Variants in ANO1 observed in about 807,000 individuals in gnomAD.
The protein encoded by ANO1 is anoctamin-1.
ANO1 carries 59 observed loss-of-function variants against 124.0 expected under a neutral mutation model. That is an observed-to-expected ratio of 0.48 (90% confidence interval 0.39 to 0.59). The LOEUF (loss-of-function observed/expected upper bound fraction) is 0.59, where lower values mean the gene tolerates loss of function less well. ANO1 is among the 20% of genes least tolerant of loss of function. ANO1 has a pLI of 0.00. For synonymous variants in ANO1, 529 were observed against 532.0 expected, an observed-to-expected ratio of 0.99 and a Z score of 0.08; for missense variants, 1,059 against 1,328.0, an observed-to-expected ratio of 0.80 and a Z score of 3.15.
chr11:70,071,431 A>AT (rs1857871335), intron 1 of ANO1, among the ~76,000 whole-genome samples: 1 of 152,106 alleles, frequency 6.6e-6, no homozygotes, highest in South Asian at 2.1e-4. Context: ...ATCCAATATA[A>AT]TTTTCCTTAA....
Position 70,161,375 on chromosome 11 carries a change from G to T in ANO1, c.1780+13G>T. ...CTCACCAAGATCGGTGAGTGCCCAT[G>T]TTCCAGGTACTGTGGCCTGGACTCA... On this transcript the variant is annotated intron_variant, in intron 17 of 25. Transcript: ENST00000355303. 1 of 1,613,242 alleles carries T rather than the reference G, an allele frequency of 6.2e-7. No homozygotes were observed. Among genetic ancestry groups the T allele is most frequent in the Non-Finnish European group, 8.5e-7 (1 of 1,179,304 alleles).
intron 1 of ANO1, among the ~76,000 whole-genome samples, chr11:70,017,778 C>T (rs1308763802): frequency 6.6e-6 from 1 of 152,080 alleles, no homozygotes; most frequent in Non-Finnish European, 1.5e-5. Flanking sequence ...CCTCAGCCAC[C>T]CAAAGCTCTG....
chr11:70,095,305 A>AAGG (rs1232583178), intron 2 of ANO1, among the ~76,000 whole-genome samples: 17 of 97,214 alleles, frequency 1.7e-4, no homozygotes, highest in African/African-American at 2.7e-4. Context: ...GGAAGGAAAG[A>AAGG]AAGAAAGAAA....
intron 20 of ANO1, among the ~76,000 whole-genome samples, chr11:70,167,039 C>T (rs1045906975): frequency 1.5e-4 from 23 of 152,002 alleles, no homozygotes; most frequent in African/African-American, 5.3e-4. Context: ...CCCAGCTACT[C>T]GGGAGGCTGA....
chr11:70,036,598 T>C (rs1021969997), intron 1 of ANO1, among the ~76,000 whole-genome samples: 9 of 150,982 alleles, frequency 6.0e-5, no homozygotes, highest in African/African-American at 2.2e-4. Flanking sequence ...TTTGTTTGTG[T>C]TTTTGTTTTG....
At chr11:70,040,118 C>A (rs1008245280) in intron 1 of ANO1, among the ~76,000 whole-genome samples, 3 of 152,140 alleles carry the variant, frequency 2.0e-5, no homozygotes, top group Non-Finnish European at 2.9e-5. Flanking sequence ...ATCACCCTGC[C>A]AGCCAAGATA....
chr11:69,969,162 C>T, the ANO1 span, among the ~76,000 whole-genome samples: 69 of 152,266 alleles, frequency 4.5e-4, no homozygotes, highest in East Asian at 7.7e-4. Flanking sequence ...TGCAGGGCCA[C>T]GGGAGGGTCC....
At chr11:70,029,652 C>T (rs542934441) in intron 1 of ANO1, among the ~76,000 whole-genome samples, 4 of 152,370 alleles carry the variant, frequency 2.6e-5, no homozygotes, top group East Asian at 1.9e-4. Context: ...CTTCCTGCAA[C>T]GACTGTAACA....
chr11:70,020,151 TG>T, intron 1 of ANO1, among the ~76,000 whole-genome samples: 1 of 152,330 alleles, frequency 6.6e-6, no homozygotes, highest in East Asian at 1.9e-4. Flanking sequence ...AGGGTACTCT[TG>T]TGGATTGTTT....
intron 1 of ANO1, among the ~76,000 whole-genome samples, chr11:69,994,714 A>C (rs576661247): frequency 1.5e-3 from 221 of 152,166 alleles, no homozygotes; most frequent in Non-Finnish European, 2.1e-3. Context: ...ATAGACCCAA[A>C]CTGCTTCCAT....
intron 1 of ANO1, among the ~76,000 whole-genome samples, chr11:70,000,231 T>C (rs1169857671): frequency 6.6e-6 from 1 of 152,146 alleles, no homozygotes; most frequent in Non-Finnish European, 1.5e-5. Context: ...GATGTTTCAT[T>C]TGTGTGTTTG....
At chr11:70,139,464 T>C (rs1480019769) in intron 11 of ANO1, among the ~76,000 whole-genome samples, 1 of 152,114 alleles carries the variant, frequency 6.6e-6, no homozygotes, top group Admixed American at 6.6e-5. Context: ...GCTGGGATTA[T>C]AGCCGCCCGC....
intron 2 of ANO1, among the ~76,000 whole-genome samples, chr11:70,094,186 C>A (rs1004790341): frequency 6.6e-6 from 1 of 152,170 alleles, no homozygotes; most frequent in African/African-American, 2.4e-5. Context: ...AGAGGGGAAC[C>A]GCAAGTCCCC....
intron 1 of ANO1, among the ~76,000 whole-genome samples, chr11:70,039,955 T>A (rs1473380108): frequency 6.6e-6 from 1 of 152,146 alleles, no homozygotes; most frequent in South Asian, 2.1e-4. Context: ...AAGCCTCTGC[T>A]AGATGACCCA....
chr11:70,003,791 A>G (rs7925356), intron 1 of ANO1, among the ~76,000 whole-genome samples: 109,941 of 151,860 alleles, frequency 0.72, 40,451 homozygotes, highest in East Asian at 0.97. Flanking sequence ...GAGCAGGTGG[A>G]TAAAGACTGT....
At chr11:70,073,959 C>T (rs1159661006), upstream of ANO1, among the ~76,000 whole-genome samples, 12 of 151,526 alleles carry the variant, frequency 7.9e-5, no homozygotes, top group Non-Finnish European at 1.8e-4. Context: ...GGCCTCTGCT[C>T]GGGCACTGAC....
At chr11:70,083,265 T>C (rs973735548) in intron 1 of ANO1, among the ~76,000 whole-genome samples, 4 of 152,158 alleles carry the variant, frequency 2.6e-5, no homozygotes, top group African/African-American at 9.7e-5. Context: ...TTAACAGGTT[T>C]CATCCTTCCA....
the ANO1 span, among the ~76,000 whole-genome samples, chr11:69,980,024 A>T: frequency 1.3e-4 from 20 of 152,320 alleles, no homozygotes; most frequent in African/African-American, 4.8e-4. Flanking sequence ...GTTCATGGCC[A>T]GTGCTTCTTC....
At chr11:70,065,080 G>T in intron 1 of ANO1, 1 of 152,266 alleles carries the variant, frequency 6.6e-6, no homozygotes, top group East Asian at 1.9e-4. Context: ...ACCTGAGGCT[G>T]CTTGGCTGGG....
Sources: gnomAD v4.1 joint callset for allele counts (sites outside exome capture counted in the v4.1 genomes callset) on GRCh38, gnomAD v4.1.1 for gene constraint, MANE v1.5 for transcripts, NCBI Gene and HGNC (gene_info 2026-07-23, HGNC 2026-07-21) for gene names.